Variants in SLC35A1 observed in about 807,000 individuals in gnomAD.
SLC35A1 encodes the protein solute carrier family 35 member A1, also known as CMP-sialic acid transporter.
In SLC35A1, 21 loss-of-function variants were observed where a neutral mutation model predicts 40.3. The observed-to-expected ratio is 0.52, with a 90% CI of 0.37 to 0.75. The LOEUF (loss-of-function observed/expected upper bound fraction) is 0.75. Ranked by LOEUF, SLC35A1 falls within the 30% of genes least tolerant of loss-of-function variation. The pLI is 0.00. For missense variants in SLC35A1, 297 were observed against 382.1 expected, an observed-to-expected ratio of 0.78 and a Z score of 1.86; for synonymous variants, 146 against 147.3, an observed-to-expected ratio of 0.99 and a Z score of 0.06.
chr6:87,496,801 C>A (rs1459670551), intron 2 of SLC35A1, among the ~76,000 whole-genome samples: 13 of 108,966 alleles, frequency 1.2e-4, no homozygotes, highest in Non-Finnish European at 1.4e-4. Flanking sequence ...AAAAGAAAAA[C>A]CCACCAAAAC....
At chr6:87,498,873 CA>C (rs1394786224) in intron 2 of SLC35A1, among the ~76,000 whole-genome samples, 2 of 152,190 alleles carry the variant, frequency 1.3e-5, no homozygotes, top group Non-Finnish European at 2.9e-5. Flanking sequence ...TTTAAAGAGC[CA>C]ATCTTCAGAA....
At position 87,506,468 on chromosome 6, in the gene SLC35A1, TTTTA is replaced by T; in HGVS notation, c.574+23_574+26del. The T allele has an allele frequency of 6.2e-7, 1 of 1,603,042 alleles. No homozygotes were observed. Among genetic ancestry groups the T allele is most frequent in the Non-Finnish European group, 8.5e-7 (1 of 1,170,016 alleles). ...TTGCAGGTAAATCATGAAAGCATTG[TTTTA>T]TTCTTTTGTCATATTTTTCGAAAAC... On this transcript the variant is annotated intron_variant, in intron 5 of 7. Transcript: ENST00000369552.
At chr6:87,481,818 A>G (rs2127964782) in intron 2 of SLC35A1, among the ~76,000 whole-genome samples, 1 of 152,298 alleles carries the variant, frequency 6.6e-6, no homozygotes, top group South Asian at 2.1e-4. Context: ...TCACAGAAAA[A>G]CTGGATGATA....
At chr6:87,495,752 T>A (rs1425074604) in intron 2 of SLC35A1, among the ~76,000 whole-genome samples, 1 of 151,318 alleles carries the variant, frequency 6.6e-6, no homozygotes, top group African/African-American at 2.4e-5. Context: ...GCCTCCCGGG[T>A]TCATGCCATC....
chr6:87,485,872 G>A (rs1769374711), intron 2 of SLC35A1, among the ~76,000 whole-genome samples: 1 of 152,066 alleles, frequency 6.6e-6, no homozygotes, highest in Non-Finnish European at 1.5e-5. Context: ...AGTAACATTT[G>A]CTCAATGTTG....
chr6:87,499,673 G>A (rs77813204), intron 2 of SLC35A1, among the ~76,000 whole-genome samples: 12,306 of 152,112 alleles, frequency 0.081, 533 homozygotes, highest in East Asian at 0.095. Flanking sequence ...TAAAGTATGA[G>A]AATATTCTTA....
At chr6:87,503,813 A>T (rs1158263525) in intron 4 of SLC35A1, among the ~76,000 whole-genome samples, 1 of 152,184 alleles carries the variant, frequency 6.6e-6, no homozygotes, top group African/African-American at 2.4e-5. Context: ...GAGTCCTTTC[A>T]GTAAGGAAAT....
Position 87,511,811 on chromosome 6 carries a change from T to G in SLC35A1, c.*285T>G. On this transcript the variant is annotated 3_prime_UTR_variant, in exon 8 of 8. Coordinates refer to ENST00000369552, the MANE Select transcript of SLC35A1 (RefSeq NM_006416.5). Reference sequence around the variant, plus strand: ...TAAAAAGTATGGAGATGATACGGTGTTAAAAAAAATCATGGTAAGGCTACA... The same window carrying G: ...TAAAAAGTATGGAGATGATACGGTGGTAAAAAAAATCATGGTAAGGCTACA... The G allele has an allele frequency of 2.5e-6, 1 of 400,526 alleles. No individual in the cohort carries two copies. The highest frequency in any genetic ancestry group is 4.7e-6 in the Non-Finnish European group (1 of 213,066). 24.8% of individuals were successfully genotyped at this position (400,526 alleles called of 1,614,324 possible).
At position 87,499,057 on chromosome 6, in the gene SLC35A1, G is replaced by A; in HGVS notation, c.195-1451G>A. ...TGGATTTGGTAATACAAAGAGATCTGTAACTAAGAAGGATGTCTTTTGTTT... is the reference window on the plus strand; with the variant it reads ...TGGATTTGGTAATACAAAGAGATCTATAACTAAGAAGGATGTCTTTTGTTT... On this transcript the variant is annotated intron_variant, in intron 2 of 7. Coordinates refer to ENST00000369552, the MANE Select transcript of SLC35A1 (RefSeq NM_006416.5). The A allele has an allele frequency of 4.6e-6, 4 of 875,214 alleles. No homozygotes were observed. The South Asian group carries it at 2.1e-4, about 46-fold the overall frequency. 54.2% of individuals were successfully genotyped at this position (875,214 alleles called of 1,614,324 possible). A position where few individuals can be genotyped will look rare whatever the true frequency, so the allele number is the denominator to read the frequency against.
chr6:87,506,176 G>A (rs1313081744), intron 4 of SLC35A1, among the ~76,000 whole-genome samples: 1 of 152,162 alleles, frequency 6.6e-6, no homozygotes, highest in Non-Finnish European at 1.5e-5. Flanking sequence ...TGATTTGAGG[G>A]ACACATTTTT....
At chr6:87,480,913 T>C (rs1233211314) in intron 2 of SLC35A1, among the ~76,000 whole-genome samples, 2 of 152,166 alleles carry the variant, frequency 1.3e-5, no homozygotes, top group African/African-American at 4.8e-5. Context: ...GTCTTGGTGG[T>C]TAGCAGCACA....
intron 2 of SLC35A1, among the ~76,000 whole-genome samples, chr6:87,497,893 A>AT (rs142305150): frequency 0.094 from 11,782 of 125,554 alleles, 488 homozygotes; most frequent in African/African-American, 0.11. Context: ...CACTCCTGGC[A>AT]GTTTTTTTTT....
Position 87,512,091 on chromosome 6 carries a change from CT to C in SLC35A1, c.*566del, listed in dbSNP as rs1770301311. 6.2e-6 allele frequency: 1 copy of C among 161,630 alleles called. No individual in the cohort carries two copies. Among genetic ancestry groups the C allele is most frequent in the Non-Finnish European group, 1.4e-5 (1 of 72,860 alleles). The allele number at this position is 161,630 out of a possible 1,614,324, so 10.0% of individuals were successfully genotyped here. A position where few individuals can be genotyped will look rare whatever the true frequency, so the allele number is the denominator to read the frequency against. ...ATCTATTTCATAACTCGGACAATTT[CT>C]GGGTGGTGACTGAGTACCCCTTTAG... On this transcript the variant is annotated 3_prime_UTR_variant, in exon 8 of 8. Transcript: ENST00000369552.
intron 1 of SLC35A1, among the ~76,000 whole-genome samples, chr6:87,474,377 A>G (rs1217564161): frequency 6.6e-6 from 1 of 152,240 alleles, no homozygotes; most frequent in African/African-American, 2.4e-5. Flanking sequence ...ATAACCGAAA[A>G]AAAACATTTT....
chr6:87,505,852 CA>C (rs1770063964), intron 4 of SLC35A1, among the ~76,000 whole-genome samples: 1 of 152,184 alleles, frequency 6.6e-6, no homozygotes, highest in Non-Finnish European at 1.5e-5. Context: ...TAAATCTCAA[CA>C]TGTGTTTTGA....
chr6:87,500,715 A>G (rs1416129884), intron 3 of SLC35A1, 48 bp downstream of exon 3: 1 of 1,598,732 alleles, frequency 6.3e-7, no homozygotes, highest in South Asian at 1.1e-5. Context: ...TTTATGGTAA[A>G]AAGAGTTTTT....
At chr6:87,492,545 A>ATTTTTT (rs59459204) in intron 2 of SLC35A1, among the ~76,000 whole-genome samples, 3 of 115,016 alleles carry the variant, frequency 2.6e-5, no homozygotes, top group Non-Finnish European at 3.5e-5. Flanking sequence ...ATTTATCTTG[A>ATTTTTT]TTTTTTTTTT....
intron 2 of SLC35A1, chr6:87,499,162 C>T: frequency 1.0e-6 from 1 of 964,302 alleles, no homozygotes; most frequent in Non-Finnish European, 1.2e-6. Context: ...AATAAATAGG[C>T]ACAGGTTAGT....
chr6:87,475,974 T>C lies in SLC35A1; in HGVS notation c.17-1388T>C, dbSNP rs1582163292. Among the ~76,000 whole-genome samples, 3 of 151,972 alleles carry C rather than the reference T, an allele frequency of 2.0e-5. No individual in the cohort carries two copies. In the South Asian group the frequency reaches 6.2e-4, roughly 32 times the overall value. ...GAGGTGAAGGGGAACTGGGGGACAA[T>C]AGGTGGGAGGTGGGTGAGGAAAGTA... On this transcript the variant is annotated intron_variant, in intron 1 of 7. Coordinates refer to ENST00000369552, the MANE Select transcript of SLC35A1 (RefSeq NM_006416.5).
Sources: allele counts gnomAD v4.1 joint callset (sites outside exome capture counted in the v4.1 genomes callset), GRCh38; gene constraint gnomAD v4.1.1; transcripts MANE v1.5; gene names NCBI Gene and HGNC (gene_info 2026-07-23, HGNC 2026-07-21).